Variants in NFIL3 observed in about 807,000 individuals in gnomAD.
NFIL3 encodes nuclear factor, interleukin 3 regulated, also known as nuclear factor interleukin-3-regulated protein.
Under a neutral mutation model 10.0 loss-of-function variants are expected in NFIL3, and 5 were observed. The ratio of observed to expected loss-of-function variants is 0.50; its 90% CI spans 0.26 to 1.06. The LOEUF (loss-of-function observed/expected upper bound fraction) is 1.06, where lower values mean the gene tolerates loss of function less well. NFIL3 is among the 50% of genes least tolerant of loss of function. The pLI is 0.13. For missense variants in NFIL3, 436 were observed against 547.6 expected, an observed-to-expected ratio of 0.80 and a Z score of 2.03; for synonymous variants, 202 against 206.5, an observed-to-expected ratio of 0.98 and a Z score of 0.19.
At chr9:91,440,824 CT>C in the NFIL3 span, among the ~76,000 whole-genome samples, 3 of 152,016 alleles carry the variant, frequency 2.0e-5, no homozygotes, top group Non-Finnish European at 2.9e-5. Context: ...AAGATATCTT[CT>C]GTTATTGATT....
chr9:91,471,277 G>T, the NFIL3 span, among the ~76,000 whole-genome samples: 15,032 of 151,266 alleles, frequency 0.099, 812 homozygotes, highest in East Asian at 0.23. Flanking sequence ...TTATGTAATG[G>T]CCTTCTTTTG....
the NFIL3 span, among the ~76,000 whole-genome samples, chr9:91,458,656 T>A: frequency 6.6e-6 from 1 of 152,190 alleles, no homozygotes; most frequent in Middle Eastern, 3.2e-3. Flanking sequence ...AAAATTCTTA[T>A]ATATTTACCT....
the NFIL3 span, among the ~76,000 whole-genome samples, chr9:91,430,510 C>T: frequency 4.6e-5 from 7 of 152,122 alleles, no homozygotes; most frequent in Admixed American, 6.5e-5. Flanking sequence ...AATACTGTCG[C>T]GGTGTGGTAA....
the NFIL3 span, among the ~76,000 whole-genome samples, chr9:91,433,704 C>A: frequency 2.5e-4 from 38 of 152,270 alleles, no homozygotes; most frequent in African/African-American, 9.1e-4. Flanking sequence ...TTGTTTAAGT[C>A]ATTGTTAGAT....
At chr9:91,478,554 A>G in the NFIL3 span, among the ~76,000 whole-genome samples, 55 of 151,732 alleles carry the variant, frequency 3.6e-4, no homozygotes, top group African/African-American at 1.2e-3. Context: ...ACCTTTTTTC[A>G]AGGTTCTTAG....
the NFIL3 span, among the ~76,000 whole-genome samples, chr9:91,476,236 T>G: frequency 6.6e-6 from 1 of 152,100 alleles, no homozygotes; most frequent in Non-Finnish European, 1.5e-5. Context: ...GATGTAAACA[T>G]CCTATGTAAA....
At chr9:91,480,871 G>A in the NFIL3 span, among the ~76,000 whole-genome samples, 1 of 152,170 alleles carries the variant, frequency 6.6e-6, no homozygotes, top group Non-Finnish European at 1.5e-5. Context: ...ACCTTTAGAG[G>A]ATCTGATAGG....
the NFIL3 span, among the ~76,000 whole-genome samples, chr9:91,467,949 G>A: frequency 6.6e-6 from 1 of 152,094 alleles, no homozygotes; most frequent in African/African-American, 2.4e-5. Context: ...ATGGACATTT[G>A]GGTTGGTTCC....
chr9:91,462,850 A>G, the NFIL3 span, among the ~76,000 whole-genome samples: 1 of 149,068 alleles, frequency 6.7e-6, no homozygotes, highest in Non-Finnish European at 1.5e-5. Context: ...GGAAGGAAAT[A>G]GTTATTATTA....
the NFIL3 span, among the ~76,000 whole-genome samples, chr9:91,478,392 A>T: frequency 6.6e-6 from 1 of 151,532 alleles, no homozygotes; most frequent in Admixed American, 6.6e-5. Context: ...GCTTTATTTC[A>T]TTAAGTTGAT....
At chr9:91,427,495 A>G (rs1306687606), upstream of NFIL3, among the ~76,000 whole-genome samples, 1 of 152,228 alleles carries the variant, frequency 6.6e-6, no homozygotes, top group African/African-American at 2.4e-5. Flanking sequence ...GGCAGCCTGC[A>G]TCAGGGCTCC....
At chr9:91,423,334 A>G (rs1833807184) in intron 1 of NFIL3, among the ~76,000 whole-genome samples, 2 of 151,970 alleles carry the variant, frequency 1.3e-5, no homozygotes, top group Non-Finnish European at 2.9e-5. Flanking sequence ...CAAAACATCA[A>G]TTTTCCTGAA....
chr9:91,409,834 A>C lies in NFIL3; in HGVS notation c.901T>G (p.Ser301Ala). 2 of 1,614,028 alleles carry C rather than the reference A, an allele frequency of 1.2e-6. No homozygotes were observed. Among genetic ancestry groups the C allele is most frequent in the Non-Finnish European group, 1.7e-6 (2 of 1,180,016 alleles). The change falls in exon 2 of 2, where the codon TCT becomes GCT. Residue 301 changes from serine to alanine, a missense_variant. By Grantham distance (99) the Ser-to-Ala change is moderately conservative. This residue lies in a region of NFIL3 where 338 missense variants were observed against 399.9 expected (regional missense o/e 0.85). Transcript: ENST00000297689. Reference protein sequence around the residue: ...EQQVPKGPIHSPVELKHVHAT... With the variant: ...EQQVPKGPIHAPVELKHVHAT... ...TGCACATGCTTGAGTTCAACTGGAG[A>C]ATGGATGGGGCCCTTGGGGACCTGT...
At chr9:91,449,335 G>A in the NFIL3 span, among the ~76,000 whole-genome samples, 4 of 152,066 alleles carry the variant, frequency 2.6e-5, no homozygotes, top group South Asian at 2.1e-4. Context: ...TGTTAGCTGC[G>A]GGTTTTTCGT....
At chr9:91,467,996 T>A in the NFIL3 span, among the ~76,000 whole-genome samples, 2 of 152,212 alleles carry the variant, frequency 1.3e-5, no homozygotes, top group Non-Finnish European at 2.9e-5. Flanking sequence ...GCAATAAACA[T>A]ATGTGTGCAT....
At chr9:91,474,768 C>T in the NFIL3 span, among the ~76,000 whole-genome samples, 3,719 of 152,268 alleles carry the variant, frequency 0.024, 70 homozygotes, top group Middle Eastern at 0.058. Context: ...AGGTCTCTTT[C>T]CTGAGTACTT....
At chr9:91,442,807 T>A in the NFIL3 span, among the ~76,000 whole-genome samples, 1 of 152,044 alleles carries the variant, frequency 6.6e-6, no homozygotes, top group East Asian at 1.9e-4. Context: ...CAGCCCTGGC[T>A]CTGGGAGCCC....
At chr9:91,413,233 A>T (rs939076570) in intron 1 of NFIL3, among the ~76,000 whole-genome samples, 1 of 151,784 alleles carries the variant, frequency 6.6e-6, no homozygotes. Flanking sequence ...CTTCCTATTT[A>T]TCATTTAAAC....
At chr9:91,431,812 CT>C in the NFIL3 span, among the ~76,000 whole-genome samples, 1 of 152,284 alleles carries the variant, frequency 6.6e-6, no homozygotes, top group South Asian at 2.1e-4. Context: ...GACTTTCCCC[CT>C]AATGCATAAG....
Sources: allele counts gnomAD v4.1 joint callset (sites outside exome capture counted in the v4.1 genomes callset), GRCh38; gene constraint gnomAD v4.1.1; regional missense constraint gnomAD v4.1.1; transcripts MANE v1.5; gene names NCBI Gene and HGNC (gene_info 2026-07-23, HGNC 2026-07-21).